Variants in APBB2 observed in about 807,000 individuals in gnomAD.
APBB2 encodes Fe65-like 1.
A neutral mutation model predicts 82.5 loss-of-function variants in APBB2; 38 were observed. The observed-to-expected ratio is 0.46, with a 90% confidence interval of 0.36 to 0.60. APBB2 has a LOEUF of 0.60. Among genes scored for constraint, APBB2 ranks in the 20% least tolerant of loss-of-function variants. The pLI, the probability that APBB2 is intolerant of heterozygous loss-of-function variation, is 0.00. For synonymous variants in APBB2, 341 were observed against 368.2 expected, an observed-to-expected ratio of 0.93 and a Z score of 0.85; for missense variants, 772 against 972.3, an observed-to-expected ratio of 0.79 and a Z score of 2.74.
chr4:41,045,706 G>A (rs944617874), intron 4 of APBB2, among the ~76,000 whole-genome samples: 2 of 152,064 alleles, frequency 1.3e-5, no homozygotes, highest in South Asian at 2.1e-4. Context: ...TTAATGTTCT[G>A]TACTTTTATA....
At chr4:40,945,637 G>C (rs1462029140) in intron 6 of APBB2, among the ~76,000 whole-genome samples, 1 of 151,944 alleles carries the variant, frequency 6.6e-6, no homozygotes, top group African/African-American at 2.4e-5. Flanking sequence ...TTTCAAGATG[G>C]AGTCTTGCTC....
At chr4:40,957,382 C>T (rs1578741792) in intron 6 of APBB2, among the ~76,000 whole-genome samples, 1 of 152,140 alleles carries the variant, frequency 6.6e-6, no homozygotes, top group Non-Finnish European at 1.5e-5. Flanking sequence ...ACTGGCCACC[C>T]ACATGTCAAT....
intron 12 of APBB2, among the ~76,000 whole-genome samples, chr4:40,883,090 G>A (rs1193112600): frequency 6.6e-6 from 1 of 152,218 alleles, no homozygotes; most frequent in Non-Finnish European, 1.5e-5. Flanking sequence ...GAGTGGCACA[G>A]AGCTGTTCTT....
intron 16 of APBB2, 67 bp from the exon 17 acceptor site, chr4:40,822,117 T>C (rs941006922): frequency 4.5e-6 from 7 of 1,564,460 alleles, no homozygotes; most frequent in South Asian, 1.1e-5. Context: ...TGGCAGCACA[T>C]AGGAACTGGC....
intron 6 of APBB2, among the ~76,000 whole-genome samples, chr4:40,992,361 T>TA (rs1553899618): frequency 7.2e-6 from 1 of 139,300 alleles, no homozygotes; most frequent in African/African-American, 2.6e-5. Context: ...TTGGTAGAGA[T>TA]GGGGGGGGGT....
chr4:40,830,795 G>A (rs1333755561), intron 12 of APBB2, among the ~76,000 whole-genome samples: 2 of 152,164 alleles, frequency 1.3e-5, no homozygotes, highest in Non-Finnish European at 2.9e-5. Context: ...TGGGCTAGGC[G>A]CAGTGGCTCA....
chr4:41,010,769 G>A (rs995408421), intron 6 of APBB2, among the ~76,000 whole-genome samples: 16 of 152,070 alleles, frequency 1.1e-4, no homozygotes, highest in Admixed American at 7.2e-4. Flanking sequence ...TACAAAATAC[G>A]TTCTTACGTG....
intron 1 of APBB2, among the ~76,000 whole-genome samples, chr4:41,158,583 G>A (rs1204267569): frequency 6.6e-6 from 1 of 152,182 alleles, no homozygotes; most frequent in Non-Finnish European, 1.5e-5. Context: ...AGAAACACTG[G>A]TTGAAAGCAA....
rs147731669 is a variant in APBB2, at chr4:40,846,938, T to TA, written c.1530-16362dup. Among the ~76,000 whole-genome samples the TA allele has an allele frequency of 4.0e-3, 596 of 147,932 alleles. 2 individuals carry two copies. The highest frequency in any genetic ancestry group is 9.8e-3 in the African/African-American group (396 of 40,382). On this transcript the variant is annotated intron_variant, in intron 12 of 17. Transcript: ENST00000508593. Reference sequence around the variant, plus strand: ...CTTTCATCTGTGCTATATCACAGATTAAAAAAAAAACAAAAAACCAAATGC... The same window carrying TA: ...CTTTCATCTGTGCTATATCACAGATTAAAAAAAAAAACAAAAAACCAAATGC...
At chr4:40,885,391 C>T (rs546952080) in intron 12 of APBB2, among the ~76,000 whole-genome samples, 1 of 152,274 alleles carries the variant, frequency 6.6e-6, no homozygotes, top group African/African-American at 2.4e-5. Flanking sequence ...AGGTAATGTC[C>T]AGGAAGATTG....
chr4:41,048,384 A>G (rs1375149787), intron 4 of APBB2, among the ~76,000 whole-genome samples: 3 of 152,234 alleles, frequency 2.0e-5, no homozygotes, highest in Non-Finnish European at 4.4e-5. Flanking sequence ...CTCACCCCGT[A>G]ACTGCTAATA....
intron 1 of APBB2, among the ~76,000 whole-genome samples, chr4:41,175,574 G>A (rs1432626789): frequency 6.6e-6 from 1 of 151,944 alleles, no homozygotes; most frequent in African/African-American, 2.4e-5. Context: ...ATTCCCTATG[G>A]TCAGATATGT....
chr4:41,171,880 T>C (rs538244933), intron 1 of APBB2, among the ~76,000 whole-genome samples: 1 of 152,176 alleles, frequency 6.6e-6, no homozygotes, highest in East Asian at 1.9e-4. Context: ...TGGAATCACC[T>C]GAGGTCAGGA....
At chr4:40,853,957 G>A (rs545969253) in intron 12 of APBB2, among the ~76,000 whole-genome samples, 2 of 152,122 alleles carry the variant, frequency 1.3e-5, no homozygotes, top group Non-Finnish European at 2.9e-5. Flanking sequence ...TTGTTTTTCC[G>A]GCTTATCTCC....
chr4:40,818,389 AAACC>A (rs1345341833), intron 17 of APBB2, among the ~76,000 whole-genome samples: 3 of 152,234 alleles, frequency 2.0e-5, no homozygotes, highest in Admixed American at 2.0e-4. Context: ...GAGAATCAGA[AAACC>A]AACTGTAGCC....
At chr4:40,849,774 C>G (rs1042829638) in intron 12 of APBB2, among the ~76,000 whole-genome samples, 3 of 143,020 alleles carry the variant, frequency 2.1e-5, no homozygotes, top group African/African-American at 7.9e-5. Context: ...GTCACCCAGG[C>G]TGGAGTGCAG....
At chr4:41,101,119 G>A (rs113043139) in intron 2 of APBB2, among the ~76,000 whole-genome samples, 6 of 152,282 alleles carry the variant, frequency 3.9e-5, no homozygotes, top group African/African-American at 1.4e-4. Flanking sequence ...ACACTTGCCA[G>A]TTCCCACTTC....
At chr4:41,044,448 G>T (rs377255452) in intron 4 of APBB2, among the ~76,000 whole-genome samples, 7 of 152,238 alleles carry the variant, frequency 4.6e-5, no homozygotes, top group African/African-American at 1.7e-4. Context: ...ATTATCTTGA[G>T]ATGTCCCAAG....
chr4:41,197,617 C>T, intron 1 of APBB2, among the ~76,000 whole-genome samples: 1 of 152,170 alleles, frequency 6.6e-6, no homozygotes, highest in South Asian at 2.1e-4. Context: ...GTCTGCTGTA[C>T]CTGCCAACGT....
Sources: gnomAD v4.1 joint callset for allele counts (sites outside exome capture counted in the v4.1 genomes callset) on GRCh38, gnomAD v4.1.1 for gene constraint, MANE v1.5 for transcripts, NCBI Gene and HGNC (gene_info 2026-07-23, HGNC 2026-07-21) for gene names.